OTULIN: variants seen among roughly 807,000 people sequenced by gnomAD.
OTULIN encodes the protein ubiquitin thioesterase otulin.
In OTULIN, 15 loss-of-function variants were observed where a neutral mutation model predicts 39.6. The observed-to-expected ratio is 0.38, with a 90% confidence interval of 0.25 to 0.58. The LOEUF is 0.58. OTULIN is among the 20% of genes least tolerant of loss of function. The probability of loss-of-function intolerance (pLI) is 0.66; values close to 1 mark genes in which losing one functional copy is unlikely to be tolerated. For missense variants in OTULIN, 319 were observed against 445.9 expected, an observed-to-expected ratio of 0.72 and a Z score of 2.56; for synonymous variants, 156 against 170.3, an observed-to-expected ratio of 0.92 and a Z score of 0.65.
chr5:14,711,013 C>A, the OTULIN span: 7 of 641,934 alleles, frequency 1.1e-5, no homozygotes, highest in African/African-American at 3.6e-5. Flanking sequence ...TTCACTAGGT[C>A]CCCCCGTCAG....
chr5:14,716,028 TTAAAG>T, the OTULIN span, among the ~76,000 whole-genome samples: 4 of 152,184 alleles, frequency 2.6e-5, no homozygotes, highest in African/African-American at 9.7e-5. Context: ...ACTTTTTAAA[TTAAAG>T]TATTGTAAAA....
At chr5:14,665,790 T>A (rs765499146) in intron 1 of OTULIN, among the ~76,000 whole-genome samples, 6 of 152,152 alleles carry the variant, frequency 3.9e-5, no homozygotes, top group Non-Finnish European at 5.9e-5. Flanking sequence ...GAAAAAAAAA[T>A]TCCTAAAAAG....
chr5:14,671,194 G>T (rs1735970445), intron 1 of OTULIN, among the ~76,000 whole-genome samples: 1 of 152,126 alleles, frequency 6.6e-6, no homozygotes, highest in South Asian at 2.1e-4. Context: ...CCTCCTCTGG[G>T]CATTGATGTT....
chr5:14,713,449 C>T, the OTULIN span: 2 of 1,530,008 alleles, frequency 1.3e-6, no homozygotes, highest in Non-Finnish European at 1.8e-6. The surrounding 1 kb of genome is among the most constrained non-coding windows in gnomAD (Gnocchi z 4.4). Flanking sequence ...CTAGACGTGC[C>T]TGGGGATTTC....
At chr5:14,674,560 G>A (rs1248283192) in intron 2 of OTULIN, among the ~76,000 whole-genome samples, 7 of 152,110 alleles carry the variant, frequency 4.6e-5, no homozygotes, top group African/African-American at 9.7e-5. Context: ...GTTCGAGACC[G>A]GCCTGGGCAA....
Position 14,696,843 on chromosome 5 carries a change from T to G in OTULIN, c.*3795T>G, listed in dbSNP as rs1277942048. 1 of 152,210 alleles carries G rather than the reference T, an allele frequency of 6.6e-6. No individual in the cohort carries two copies. Among genetic ancestry groups the G allele is most frequent in the Non-Finnish European group, 1.5e-5 (1 of 68,032 alleles). 9.4% of individuals were successfully genotyped at this position (152,210 alleles called of 1,614,324 possible). A position where few individuals can be genotyped will look rare whatever the true frequency, so the allele number is the denominator to read the frequency against. On this transcript the variant is annotated 3_prime_UTR_variant, in exon 7 of 7. Transcript: ENST00000284274. ...GGGGATGGGAAGACTAGGGAGCCAG[T>G]GCCACGTTGAACAGAACAGTGGTTT... is the stretch of plus-strand genomic sequence containing the variant.
At chr5:14,684,138 G>T (rs745644092) in intron 4 of OTULIN, among the ~76,000 whole-genome samples, 1 of 152,184 alleles carries the variant, frequency 6.6e-6, no homozygotes, top group Non-Finnish European at 1.5e-5. Context: ...TTGGTCACTT[G>T]GTTTGGTTTT....
intron 1 of OTULIN, 49 bp downstream of exon 1, chr5:14,665,026 C>A: frequency 9.7e-7 from 1 of 1,031,558 alleles, no homozygotes; most frequent in South Asian, 4.4e-5. Flanking sequence ...CGGGCTCGGT[C>A]CCCTCCGGAA....
chr5:14,715,006 A>G, the OTULIN span, among the ~76,000 whole-genome samples: 1 of 152,252 alleles, frequency 6.6e-6, no homozygotes, highest in Non-Finnish European at 1.5e-5. Flanking sequence ...TACAGATGCC[A>G]TCCCGGTGCT....
chr5:14,708,780 T>A, the OTULIN span: 39 of 152,232 alleles, frequency 2.6e-4, no homozygotes, highest in African/African-American at 9.4e-4. Context: ...TCAGAAACTC[T>A]AACCAAATAT....
intron 2 of OTULIN, among the ~76,000 whole-genome samples, chr5:14,675,074 G>A (rs576897960): frequency 6.6e-6 from 1 of 152,240 alleles, no homozygotes; most frequent in South Asian, 2.1e-4. Context: ...TTTAATTTTA[G>A]CAGAACTCAT....
the OTULIN span, among the ~76,000 whole-genome samples, chr5:14,715,847 TATA>T: frequency 6.6e-6 from 1 of 152,238 alleles, no homozygotes; most frequent in African/African-American, 2.4e-5. Flanking sequence ...ATTGGCTTGG[TATA>T]ATAACTTTCC....
chr5:14,693,250 A>T lies in OTULIN; in HGVS notation c.*202A>T. The T allele has an allele frequency of 3.7e-6, 2 of 537,524 alleles. No homozygotes were observed. The highest frequency in any genetic ancestry group is 6.6e-6 in the Non-Finnish European group (2 of 303,784). The allele number at this position is 537,524 out of a possible 1,614,324, so 33.3% of individuals were successfully genotyped here. A position where few individuals can be genotyped will look rare whatever the true frequency, so the allele number is the denominator to read the frequency against. On this transcript the variant is annotated 3_prime_UTR_variant, in exon 7 of 7. Transcript: ENST00000284274. ...AGTCTTTCCCCTCATCTATGATGCA[A>T]TATATTTCAGTGGGGGCCTTCAGAG... is the stretch of plus-strand genomic sequence containing the variant.
At position 14,694,927 on chromosome 5, in the gene OTULIN, A is replaced by G. The variant is rs1262145353; in HGVS notation, c.*1879A>G. 2 of 152,610 alleles carry G rather than the reference A, an allele frequency of 1.3e-5. No individual in the cohort carries two copies. The highest frequency in any genetic ancestry group is 1.3e-4 in the Admixed American group (2 of 15,284). 9.5% of individuals were successfully genotyped at this position (152,610 alleles called of 1,614,324 possible). Reference sequence around the variant, plus strand: ...TAATTTCTGATGTTTTTTAAAGCACAACTCGAAACATTTCGATCATACATA... The same window carrying G: ...TAATTTCTGATGTTTTTTAAAGCACGACTCGAAACATTTCGATCATACATA... On this transcript the variant is annotated 3_prime_UTR_variant, in exon 7 of 7. Transcript: ENST00000284274.
rs1736593252 is a variant in OTULIN at position 14,693,708 on chromosome 5, A to G, written c.*660A>G. ...TTTTAAGCAGATTGTTTTGCAACAG[A>G]TTAAGAATTGGGTCCCAAAGTGGGT... is the stretch of plus-strand genomic sequence containing the variant. On this transcript the variant is annotated 3_prime_UTR_variant, in exon 7 of 7. Coordinates refer to ENST00000284274, the MANE Select transcript of OTULIN (RefSeq NM_138348.6). 1 of 152,190 alleles carries G rather than the reference A, an allele frequency of 6.6e-6. No individual in the cohort carries two copies. 9.4% of individuals were successfully genotyped at this position (152,190 alleles called of 1,614,324 possible).
chr5:14,688,392 A>G (rs1274158612), intron 5 of OTULIN, among the ~76,000 whole-genome samples: 1 of 152,108 alleles, frequency 6.6e-6, no homozygotes, highest in African/African-American at 2.4e-5. Flanking sequence ...GGTCCTTCCT[A>G]GCACGTACTT....
chr5:14,696,014 C>T lies in OTULIN; in HGVS notation c.*2966C>T, dbSNP rs1050321655. On this transcript the variant is annotated 3_prime_UTR_variant, in exon 7 of 7. Coordinates refer to ENST00000284274, the MANE Select transcript of OTULIN (RefSeq NM_138348.6). ...GTATGTTTTTTTTTTTTTTTCCCTCCACTTTTGGAGCTTATCAGGTAAAAA... is the reference window on the plus strand; with the variant it reads ...GTATGTTTTTTTTTTTTTTTCCCTCTACTTTTGGAGCTTATCAGGTAAAAA... 2 of 148,236 alleles carry T rather than the reference C, an allele frequency of 1.3e-5. No individual in the cohort carries two copies. The highest frequency in any genetic ancestry group is 5.0e-5 in the African/African-American group (2 of 40,142). The allele number at this position is 148,236 out of a possible 1,614,324, so 9.2% of individuals were successfully genotyped here. A position where few individuals can be genotyped will look rare whatever the true frequency, so the allele number is the denominator to read the frequency against.
At chr5:14,712,800 G>C in the OTULIN span, 1 of 1,408,766 alleles carries the variant, frequency 7.1e-7, no homozygotes, top group Non-Finnish European at 9.8e-7. Flanking sequence ...ATCCAACCTG[G>C]TCAGTGGCTG....
the OTULIN span, among the ~76,000 whole-genome samples, chr5:14,716,304 A>C: frequency 1.3e-5 from 2 of 152,116 alleles, no homozygotes; most frequent in African/African-American, 2.4e-5. Context: ...ACCAGCCTGG[A>C]CAACATGGTG....
Sources: allele counts gnomAD v4.1 joint callset (sites outside exome capture counted in the v4.1 genomes callset), GRCh38; gene constraint gnomAD v4.1.1; non-coding constraint Gnocchi (gnomAD v3.1); transcripts MANE v1.5; gene names NCBI Gene and HGNC (gene_info 2026-07-23, HGNC 2026-07-21).